The following RIMBP2 variants were observed in gnomAD, a reference collection of about 807,000 sequenced individuals.
RIMBP2 encodes the protein RIMS-binding protein 2.
In RIMBP2, 48 loss-of-function variants were observed where a neutral mutation model predicts 118.6. The ratio of observed to expected loss-of-function variants is 0.40; its 90% confidence interval spans 0.32 to 0.51. The LOEUF is 0.51. Among genes scored for constraint, RIMBP2 ranks in the 20% least tolerant of loss-of-function variants. RIMBP2 has a pLI of 0.41. For synonymous variants in RIMBP2, 762 were observed against 742.9 expected, an observed-to-expected ratio of 1.03 and a Z score of -0.42; for missense variants, 1,551 against 1,768.3, an observed-to-expected ratio of 0.88 and a Z score of 2.20.
intron 2 of RIMBP2, among the ~76,000 whole-genome samples, chr12:130,558,924 G>A (rs1429488290): frequency 6.6e-6 from 1 of 152,184 alleles, no homozygotes; most frequent in Non-Finnish European, 1.5e-5. Context: ...AAATTGTCAA[G>A]TAGGTTAGAA....
chr12:130,560,919 G>A (rs1185726653), intron 2 of RIMBP2, among the ~76,000 whole-genome samples: 2 of 152,254 alleles, frequency 1.3e-5, no homozygotes, highest in African/African-American at 4.8e-5. Context: ...TTTGGGACTA[G>A]AGTCATTGCA....
chr12:130,712,667 A>G (rs966443764), intron 1 of RIMBP2, among the ~76,000 whole-genome samples: 3 of 152,212 alleles, frequency 2.0e-5, no homozygotes, highest in Admixed American at 1.3e-4. Context: ...TAAAATCATG[A>G]TAAAAGTTAC....
rs761672272 is a variant in RIMBP2 at position 130,414,176 on chromosome 12, G to A, written c.3369C>T (p.Asn1123=). The part of the protein sequence containing the change: ...FDYDPLTMSP[N]PDAAEEELPF... ...GAAGCTCCTCCTCTGCAGCATCTGG[G>A]TTTGGGGACATGGTGAGCGGGTCGT... Residue 1123 remains asparagine, a synonymous_variant, in exon 18 of 23, where the codon AAC becomes AAT. Coordinates refer to ENST00000690449, the MANE Select transcript of RIMBP2 (RefSeq NM_001393629.1). The A allele has an allele frequency of 6.2e-6, 10 of 1,614,210 alleles. No homozygotes were observed. Among genetic ancestry groups the A allele is most frequent in the Admixed American group, 1.7e-5 (1 of 60,030 alleles).
chr12:130,678,580 C>T (rs1238948638), intron 1 of RIMBP2, among the ~76,000 whole-genome samples: 3 of 152,060 alleles, frequency 2.0e-5, no homozygotes, highest in South Asian at 2.1e-4. Context: ...CGCAGTGGCA[C>T]GATCTCGGCT....
intron 19 of RIMBP2, 89 bp downstream of exon 19, chr12:130,412,530 G>A (rs1160618533): frequency 1.7e-6 from 2 of 1,188,590 alleles, no homozygotes; most frequent in African/African-American, 3.1e-5. Context: ...TGCAATTTGG[G>A]GTCTCCTCAT....
chr12:130,512,329 CT>C (rs35731830), intron 3 of RIMBP2, among the ~76,000 whole-genome samples: 11 of 149,966 alleles, frequency 7.3e-5, no homozygotes, highest in Non-Finnish European at 1.6e-4. Context: ...CCATTGCTTT[CT>C]TTTTTTTTTC....
At position 130,424,278 on chromosome 12, in the gene RIMBP2, G is replaced by C. The variant is rs1392775385; in HGVS notation, c.2993C>G (p.Pro998Arg). ...GGGCTCGCCCCAGCCGTGCTTCCTG[G>C]GGGGCGGCCTCTCCGGGCCGGGCTG... is the stretch of plus-strand genomic sequence containing the variant. The part of the protein sequence containing the change: ...DPQPGPERPP[P>R]RKHGWGEPTE... Residue 998 changes from proline to arginine, a missense_variant, in exon 16 of 23, where the codon CCC becomes CGC. By Grantham distance (103) the Pro-to-Arg change is moderately radical. Coordinates refer to ENST00000690449, the MANE Select transcript of RIMBP2 (RefSeq NM_001393629.1). This position sits in a 1 kb window ranked among gnomAD's most constrained non-coding sequence, Gnocchi z 9.8. The C allele has an allele frequency of 2.4e-6, 3 of 1,231,852 alleles. No homozygotes were observed. The highest frequency in any genetic ancestry group is 4.2e-5 in the Admixed American group (1 of 23,718). The allele number at this position is 1,231,852 out of a possible 1,614,324, so 76.3% of individuals were successfully genotyped here.
chr12:130,595,419 G>A (rs148454104), intron 2 of RIMBP2, among the ~76,000 whole-genome samples: 9 of 152,090 alleles, frequency 5.9e-5, no homozygotes, highest in East Asian at 3.9e-4. Flanking sequence ...TTAGCCGGGC[G>A]TGGTGGCGGG....
intron 19 of RIMBP2, among the ~76,000 whole-genome samples, chr12:130,408,635 G>A (rs2075404773): frequency 6.6e-6 from 1 of 152,196 alleles, no homozygotes; most frequent in African/African-American, 2.4e-5. Context: ...GGAGGCCTCA[G>A]TGCAGAGCCG....
chr12:130,441,488 C>G (rs1030448633), intron 11 of RIMBP2, among the ~76,000 whole-genome samples: 11 of 151,342 alleles, frequency 7.3e-5, no homozygotes, highest in African/African-American at 2.7e-4. Flanking sequence ...CTGAAAGGCA[C>G]GTAAGCACTT....
intron 1 of RIMBP2, among the ~76,000 whole-genome samples, chr12:130,713,722 T>C (rs1301922871): frequency 6.6e-6 from 1 of 152,212 alleles, no homozygotes; most frequent in Non-Finnish European, 1.5e-5. Context: ...CAGATGCTCA[T>C]TGCCGTGCCC....
rs2078500302 is a variant in RIMBP2, at chr12:130,446,036, C to T, written c.582-767G>A. Reference sequence around the variant, plus strand: ...TTTTATGCTCCCCCCCCCCACACCCCCAGGAATATAAGAGTATCCATATTC... The same window carrying T: ...TTTTATGCTCCCCCCCCCCACACCCTCAGGAATATAAGAGTATCCATATTC... On this transcript the variant is annotated intron_variant, in intron 9 of 22. Transcript: ENST00000690449. The surrounding 1 kb of genome is among the most constrained non-coding windows in gnomAD (Gnocchi z 4.1). 6.6e-6 allele frequency among the ~76,000 whole-genome samples: 1 copy of T among 151,182 alleles called. No individual in the cohort carries two copies. Among genetic ancestry groups the T allele is most frequent in the Admixed American group, 6.6e-5 (1 of 15,136 alleles).
intron 2 of RIMBP2, among the ~76,000 whole-genome samples, chr12:130,593,332 G>C (rs536949809): frequency 1.3e-5 from 2 of 152,340 alleles, no homozygotes. Context: ...GGATGGGGCT[G>C]GGGGTGCTTC....
intron 2 of RIMBP2, among the ~76,000 whole-genome samples, chr12:130,615,558 G>A (rs1483888709): frequency 6.6e-5 from 10 of 151,758 alleles, no homozygotes; most frequent in Admixed American, 2.0e-4. Context: ...TGATCTGCCC[G>A]CCTCAGCCTC....
intron 4 of RIMBP2, among the ~76,000 whole-genome samples, chr12:130,491,955 G>A (rs764727930): frequency 7.9e-5 from 12 of 152,334 alleles, no homozygotes; most frequent in South Asian, 4.2e-4. Flanking sequence ...GGAAAAGCTC[G>A]GATGTGACAC....
At position 130,687,021 on chromosome 12, in the gene RIMBP2, C is replaced by T. The variant is rs138817030; in HGVS notation, c.-352+29201G>A. 3.7e-3 allele frequency among the ~76,000 whole-genome samples: 559 copies of T among 152,316 alleles called. 3 individuals carry two copies. Among genetic ancestry groups the T allele is most frequent in the African/African-American group, 0.013 (526 of 41,564 alleles). ...GAGACCCGCTTCCAAATAAAATCAC[C>T]GTGGAGAGACTACATTTTCTTTTCA... is the stretch of plus-strand genomic sequence containing the variant. On this transcript the variant is annotated intron_variant, in intron 1 of 22. Transcript: ENST00000690449.
At chr12:130,608,854 A>G (rs2060339689) in intron 2 of RIMBP2, among the ~76,000 whole-genome samples, 1 of 152,158 alleles carries the variant, frequency 6.6e-6, no homozygotes, top group Non-Finnish European at 1.5e-5. Flanking sequence ...AACTATGGTC[A>G]GCTTGCAGTG....
intron 2 of RIMBP2, among the ~76,000 whole-genome samples, chr12:130,591,915 A>G (rs1457335403): frequency 1.3e-5 from 2 of 152,218 alleles, no homozygotes; most frequent in African/African-American, 4.8e-5. Context: ...ATCTTATCTG[A>G]CAGCCTGGAT....
chr12:130,713,983 C>T (rs1265978363), intron 1 of RIMBP2, among the ~76,000 whole-genome samples: 1 of 152,208 alleles, frequency 6.6e-6, no homozygotes, highest in East Asian at 1.9e-4. Context: ...CGTGGGAATG[C>T]GGATTCCCGG....
Sources: gnomAD v4.1 joint callset for allele counts (sites outside exome capture counted in the v4.1 genomes callset) on GRCh38, gnomAD v4.1.1 for gene constraint, Gnocchi (gnomAD v3.1) non-coding constraint, MANE v1.5 for transcripts, NCBI Gene and HGNC (gene_info 2026-07-23, HGNC 2026-07-21) for gene names.